The following SKAP2 variants were observed in gnomAD, a reference collection of about 807,000 sequenced individuals.
SKAP2 encodes src kinase associated phosphoprotein 2.
SKAP2 carries 28 observed loss-of-function variants against 54.9 expected under a neutral mutation model. That is an observed-to-expected ratio of 0.51 (90% CI 0.38 to 0.70). The LOEUF is 0.70. SKAP2 is among the 30% of genes least tolerant of loss of function. SKAP2 has a pLI of 0.00. For synonymous variants in SKAP2, 137 were observed against 134.3 expected (o/e 1.02, Z -0.14); for missense variants, 356 against 424.1 (o/e 0.84, Z 1.41).
chr7:26,824,396 C>A (rs552506981), intron 4 of SKAP2, among the ~76,000 whole-genome samples: 1 of 152,082 alleles, frequency 6.6e-6, no homozygotes, highest in Non-Finnish European at 1.5e-5. Context: ...ACAAACACAA[C>A]GTAAGCTCAG....
intron 4 of SKAP2, among the ~76,000 whole-genome samples, chr7:26,799,291 AAC>A (rs1023212497): frequency 6.6e-6 from 1 of 152,108 alleles, no homozygotes; most frequent in Non-Finnish European, 1.5e-5. Context: ...AGAAAAAAAA[AAC>A]CCCATTGATC....
chr7:26,699,391 G>A (rs1364896571), intron 9 of SKAP2, among the ~76,000 whole-genome samples: 4 of 152,046 alleles, frequency 2.6e-5, no homozygotes, highest in Non-Finnish European at 4.4e-5. Context: ...CTGTAAAAAT[G>A]TAAACAATGC....
At chr7:26,656,432 T>A in the SKAP2 span, among the ~76,000 whole-genome samples, 2 of 152,206 alleles carry the variant, frequency 1.3e-5, no homozygotes, top group African/African-American at 4.8e-5. Context: ...ACTGTGTCAT[T>A]CCACTGTTAT....
At chr7:26,834,606 G>C (rs750612962) in intron 4 of SKAP2, among the ~76,000 whole-genome samples, 1 of 152,012 alleles carries the variant, frequency 6.6e-6, no homozygotes, top group Non-Finnish European at 1.5e-5. Flanking sequence ...AGAAATGGAT[G>C]AATTCCTGGA....
chr7:26,772,860 G>C (rs1158208031), intron 4 of SKAP2, among the ~76,000 whole-genome samples: 1 of 152,152 alleles, frequency 6.6e-6, no homozygotes, highest in African/African-American at 2.4e-5. Flanking sequence ...GCTGTTCATA[G>C]AATCTGGAAT....
At chr7:26,749,468 G>T (rs1390543747) in intron 4 of SKAP2, among the ~76,000 whole-genome samples, 1 of 152,034 alleles carries the variant, frequency 6.6e-6, no homozygotes, top group East Asian at 1.9e-4. Context: ...TAGGTCCTCG[G>T]CTGGGGGTAG....
intron 3 of SKAP2, among the ~76,000 whole-genome samples, chr7:26,849,513 G>A (rs1045720590): frequency 6.6e-6 from 1 of 151,664 alleles, no homozygotes; most frequent in South Asian, 2.1e-4. Flanking sequence ...GTGAAACCCC[G>A]TCTCTCCTAA....
At chr7:26,799,767 C>G (rs114436685) in intron 4 of SKAP2, among the ~76,000 whole-genome samples, 1,625 of 152,274 alleles carry the variant, frequency 0.011, 32 homozygotes, top group African/African-American at 0.037. Context: ...GCATTCTTTT[C>G]TTCAGCACAT....
intron 4 of SKAP2, among the ~76,000 whole-genome samples, chr7:26,760,775 G>A (rs750388918): frequency 2.6e-5 from 4 of 152,064 alleles, no homozygotes; most frequent in Admixed American, 1.3e-4. Flanking sequence ...TCAACCAAGC[G>A]ATTACATCTT....
intron 4 of SKAP2, among the ~76,000 whole-genome samples, chr7:26,781,544 G>T (rs1783425138): frequency 6.6e-6 from 1 of 152,154 alleles, no homozygotes; most frequent in South Asian, 2.1e-4. Context: ...TAGTTCCAAG[G>T]AGACTTATTA....
chr7:26,659,990 C>CA, the SKAP2 span, among the ~76,000 whole-genome samples: 42 of 151,864 alleles, frequency 2.8e-4, no homozygotes, highest in African/African-American at 8.7e-4. Context: ...CTTCAAAAAA[C>CA]AAAAAAACCC....
chr7:26,801,913 C>A (rs1783923106), intron 4 of SKAP2, among the ~76,000 whole-genome samples: 1 of 151,996 alleles, frequency 6.6e-6, no homozygotes, highest in South Asian at 2.1e-4. Context: ...AATATTGTTA[C>A]AATGTCCATA....
intron 10 of SKAP2, among the ~76,000 whole-genome samples, chr7:26,686,048 C>T (rs1786633140): frequency 6.6e-6 from 1 of 152,050 alleles, no homozygotes; most frequent in Admixed American, 6.6e-5. Flanking sequence ...CACAACTAGT[C>T]AGATTAGCAT....
intron 6 of SKAP2, among the ~76,000 whole-genome samples, chr7:26,732,539 T>C (rs907803624): frequency 7.2e-5 from 11 of 152,194 alleles, no homozygotes; most frequent in African/African-American, 2.7e-4. Context: ...AAATATGAAA[T>C]GTGTTCAGCA....
chr7:26,761,070 GA>G (rs1243187434), intron 4 of SKAP2, among the ~76,000 whole-genome samples: 1 of 152,128 alleles, frequency 6.6e-6, no homozygotes. Flanking sequence ...TGAAATGCGC[GA>G]AAGTGGAACA....
chr7:26,684,104 A>G (rs1786574927), intron 11 of SKAP2, among the ~76,000 whole-genome samples: 1 of 152,164 alleles, frequency 6.6e-6, no homozygotes. Flanking sequence ...AAGATTCTGA[A>G]TAATCCAGTA....
intron 4 of SKAP2, among the ~76,000 whole-genome samples, chr7:26,775,082 C>T (rs1322684731): frequency 6.6e-6 from 1 of 152,182 alleles, no homozygotes; most frequent in East Asian, 1.9e-4. Flanking sequence ...AAGAGATTTA[C>T]ATGCACACAA....
intron 4 of SKAP2, among the ~76,000 whole-genome samples, chr7:26,769,383 C>T (rs6461969): frequency 0.99 from 150,655 of 152,282 alleles, 74,547 homozygotes; most frequent in East Asian, 1. Context: ...CTCAGCTTCC[C>T]TGAATTGGGT....
At chr7:26,854,920 C>T in intron 1 of SKAP2, 30 bp from the exon 2 acceptor site, 1 of 1,454,328 alleles carries the variant, frequency 6.9e-7, no homozygotes, top group Non-Finnish European at 9.4e-7. Context: ...AAACAGGATA[C>T]AAATTATAAG....
Sources: allele counts gnomAD v4.1 joint callset (sites outside exome capture counted in the v4.1 genomes callset), GRCh38; gene constraint gnomAD v4.1.1; transcripts MANE v1.5; gene names NCBI Gene and HGNC (gene_info 2026-07-23, HGNC 2026-07-21).